The following MAN1A1 variants were observed in gnomAD, a reference collection of about 807,000 sequenced individuals.
MAN1A1 encodes mannosyl-oligosaccharide 1,2-alpha-mannosidase IA.
A neutral mutation model predicts 70.8 loss-of-function variants in MAN1A1; 29 were observed. The ratio of observed to expected loss-of-function variants is 0.41; its 90% confidence interval spans 0.31 to 0.56. MAN1A1 has a LOEUF of 0.56. MAN1A1 is among the 20% of genes least tolerant of loss of function. The pLI, the probability that MAN1A1 is intolerant of heterozygous loss-of-function variation, is 0.29. For synonymous variants in MAN1A1, 349 were observed against 330.1 expected, an observed-to-expected ratio of 1.06 and a Z score of -0.62; for missense variants, 747 against 841.3, an observed-to-expected ratio of 0.89 and a Z score of 1.39.
chr6:119,346,218 G>C (rs1347187011), intron 2 of MAN1A1, among the ~76,000 whole-genome samples: 2 of 150,052 alleles, frequency 1.3e-5, no homozygotes, highest in African/African-American at 5.1e-5. Context: ...AATACGTAAA[G>C]TTAAAGTCCA....
chr6:119,294,536 T>C (rs771849319), intron 4 of MAN1A1, among the ~76,000 whole-genome samples: 20 of 152,154 alleles, frequency 1.3e-4, no homozygotes, highest in Non-Finnish European at 2.6e-4. Context: ...CATTCCAGTA[T>C]GCCCCATGTA....
At chr6:119,204,311 G>A (rs778711427) in intron 7 of MAN1A1, among the ~76,000 whole-genome samples, 1 of 152,150 alleles carries the variant, frequency 6.6e-6, no homozygotes, top group Non-Finnish European at 1.5e-5. Flanking sequence ...CAAAAAGCAG[G>A]TTGAAAATAA....
chr6:119,343,548 T>C (rs1370643638), intron 2 of MAN1A1, among the ~76,000 whole-genome samples: 1 of 151,946 alleles, frequency 6.6e-6, no homozygotes, highest in Admixed American at 6.6e-5. Context: ...TTTAACAGAT[T>C]GAGAGGTTGG....
chr6:119,245,816 T>G (rs1033206865), intron 6 of MAN1A1, among the ~76,000 whole-genome samples: 1 of 152,182 alleles, frequency 6.6e-6, no homozygotes, highest in East Asian at 1.9e-4. Context: ...TGACACATTA[T>G]TTTTCACCAC....
At chr6:119,234,046 T>C (rs1017669335) in intron 6 of MAN1A1, among the ~76,000 whole-genome samples, 1 of 152,158 alleles carries the variant, frequency 6.6e-6, no homozygotes, top group East Asian at 1.9e-4. Flanking sequence ...ATCCCCACAT[T>C]TGCTGATTTT....
At chr6:119,195,810 A>G (rs566583191) in intron 8 of MAN1A1, among the ~76,000 whole-genome samples, 25 of 152,372 alleles carry the variant, frequency 1.6e-4, no homozygotes, top group African/African-American at 6.0e-4. Flanking sequence ...TTTTGCAGAA[A>G]GTGTAGAATT....
chr6:119,244,579 T>A (rs1296461147), intron 6 of MAN1A1, among the ~76,000 whole-genome samples: 1 of 152,124 alleles, frequency 6.6e-6, no homozygotes, highest in Non-Finnish European at 1.5e-5. Flanking sequence ...GGGATAGAGT[T>A]CCTCATGTAG....
chr6:119,219,439 C>T (rs922138552), intron 6 of MAN1A1, among the ~76,000 whole-genome samples: 1 of 152,102 alleles, frequency 6.6e-6, no homozygotes, highest in Non-Finnish European at 1.5e-5. Context: ...AAACAAAGTA[C>T]CACTTACCTA....
At chr6:119,290,827 A>C in intron 4 of MAN1A1, 64 bp from the exon 5 acceptor site, 1 of 972,798 alleles carries the variant, frequency 1.0e-6, no homozygotes, top group East Asian at 2.4e-5. Context: ...TATTGTGATA[A>C]ATTATACTAA....
chr6:119,219,095 G>T (rs964281493), intron 6 of MAN1A1, among the ~76,000 whole-genome samples: 1 of 152,156 alleles, frequency 6.6e-6, no homozygotes, highest in Admixed American at 6.5e-5. Context: ...ACCTGCTGAT[G>T]ACATTAAGTG....
intron 5 of MAN1A1, among the ~76,000 whole-genome samples, chr6:119,273,491 T>C (rs1775979237): frequency 6.6e-6 from 1 of 152,332 alleles, no homozygotes; most frequent in South Asian, 2.1e-4. Flanking sequence ...TTCCATGATC[T>C]GCTGCACTCC....
In MAN1A1 at chr6:119,246,809, C is replaced by T. The variant is rs917682410; in HGVS notation, c.992+1451G>A. Among the ~76,000 whole-genome samples, 61 of 152,110 alleles carry T rather than the reference C, an allele frequency of 4.0e-4. 1 individual carries two copies. The highest frequency in any genetic ancestry group is 8.8e-5 in the Non-Finnish European group (6 of 68,016). Reference sequence around the variant, plus strand: ...CTCCAAACACAAACCAAGCTGCTTCCAAGCCAAGCTCAGAGCCACCCCTGC... The same window carrying T: ...CTCCAAACACAAACCAAGCTGCTTCTAAGCCAAGCTCAGAGCCACCCCTGC... On this transcript the variant is annotated intron_variant, in intron 6 of 12. Coordinates refer to ENST00000368468, the MANE Select transcript of MAN1A1 (RefSeq NM_005907.4).
intron 5 of MAN1A1, among the ~76,000 whole-genome samples, chr6:119,267,573 G>A (rs2114367415): frequency 6.6e-6 from 1 of 152,242 alleles, no homozygotes; most frequent in South Asian, 2.1e-4. Context: ...ACATACAGCT[G>A]TATAGCCTAG....
intron 6 of MAN1A1, among the ~76,000 whole-genome samples, chr6:119,231,132 GA>G (rs1774662905): frequency 6.6e-6 from 1 of 152,170 alleles, no homozygotes. Context: ...GAAGCTTTTG[GA>G]AAACTATTAA....
rs546526306 is a variant in MAN1A1, at chr6:119,236,747, G to A, written c.992+11513C>T. 1.4e-4 allele frequency among the ~76,000 whole-genome samples: 21 copies of A among 151,036 alleles called. No homozygotes were observed. In the South Asian group the frequency reaches 4.2e-3, roughly 30 times the overall value. On this transcript the variant is annotated intron_variant, in intron 6 of 12. Transcript: ENST00000368468. The stretch of plus-strand genomic sequence containing the variant: ...AAAAAAGGAATTTTGACTTTCAAGT[G>A]TTATTATTTAAAAAGTACATTTCAT...
intron 6 of MAN1A1, among the ~76,000 whole-genome samples, chr6:119,231,521 G>A (rs997684714): frequency 3.3e-5 from 5 of 152,044 alleles, no homozygotes; most frequent in African/African-American, 9.7e-5. Flanking sequence ...TCTTCATAGC[G>A]GTGTGAGAAC....
At chr6:119,261,826 G>A (rs1775622911) in intron 5 of MAN1A1, among the ~76,000 whole-genome samples, 2 of 151,134 alleles carry the variant, frequency 1.3e-5, no homozygotes, top group Admixed American at 6.6e-5. Flanking sequence ...CATCCTGAAG[G>A]TTATTGTTCA....
At chr6:119,285,088 G>T (rs373679449) in intron 5 of MAN1A1, among the ~76,000 whole-genome samples, 2 of 151,766 alleles carry the variant, frequency 1.3e-5, no homozygotes, top group Non-Finnish European at 2.9e-5. Flanking sequence ...TGTCACACAT[G>T]GCCAGAGGGG....
intron 6 of MAN1A1, among the ~76,000 whole-genome samples, chr6:119,243,036 C>T (rs1775054461): frequency 6.6e-6 from 1 of 152,128 alleles, no homozygotes; most frequent in African/African-American, 2.4e-5. Context: ...AAAGATGTAA[C>T]TTCTTTTTAA....
Sources: allele counts gnomAD v4.1 joint callset (sites outside exome capture counted in the v4.1 genomes callset), GRCh38; gene constraint gnomAD v4.1.1; transcripts MANE v1.5; gene names NCBI Gene and HGNC (gene_info 2026-07-23, HGNC 2026-07-21).